AADAC: variants seen among roughly 807,000 people sequenced by gnomAD.
AADAC encodes the protein arylacetamide deacetylase.
In AADAC, 17 loss-of-function variants were observed where a neutral mutation model predicts 22.7. That is an observed-to-expected ratio of 0.75 (90% CI 0.51 to 1.12). The LOEUF (loss-of-function observed/expected upper bound fraction) is 1.12, where lower values mean the gene tolerates loss of function less well. AADAC is among the 50% of genes most tolerant of loss of function. The pLI is 0.00. For synonymous variants in AADAC, 167 were observed against 176.3 expected (o/e 0.95, Z 0.42); for missense variants, 465 against 473.9 (o/e 0.98, Z 0.17).
At position 151,816,458 on chromosome 3, in the gene AADAC, G is replaced by T. The variant is rs150637626; in HGVS notation, c.139-908G>T. Among the ~76,000 whole-genome samples the T allele has an allele frequency of 2.0e-5, 3 of 152,132 alleles. No individual in the cohort carries two copies. The East Asian group carries it at 5.8e-4, about 29-fold the overall frequency. The stretch of plus-strand genomic sequence containing the variant: ...GTACTTTGTACAGAGCTCTGTAATA[G>T]TATTTACATTGTTTTGTAACCATTT... On this transcript the variant is annotated intron_variant, in intron 1 of 4. Transcript: ENST00000232892.
chr3:151,824,628 CAAAA>C (rs746893272), intron 3 of AADAC, 31 bp from the exon 4 acceptor site: 1 of 1,126,912 alleles, frequency 8.9e-7, no homozygotes, highest in Non-Finnish European at 1.2e-6. Context: ...TCAAAACAAA[CAAAA>C]AAATGTGTAA....
At position 151,827,921 on chromosome 3, in the gene AADAC, G is replaced by T. The variant is rs1716571042; in HGVS notation, c.949G>T (p.Val317Leu). The T allele has an allele frequency of 6.2e-7, 1 of 1,611,724 alleles. No individual in the cohort carries two copies. Among genetic ancestry groups the T allele is most frequent in the Non-Finnish European group, 8.5e-7 (1 of 1,178,678 alleles). The change falls in exon 5 of 5, where the codon GTG becomes TTG. Residue 317 changes from valine to leucine, a missense_variant. Transcript: ENST00000232892. ...TAAAAAATATCCAGGGTTCCTAGAT[G>T]TGAGGGCAGCCCCTTTGTTGGCTGA... ...LAKKYPGFLD[V>L]RAAPLLADDN...
At chr3:151,823,546 A>C (rs1716342471) in intron 3 of AADAC, among the ~76,000 whole-genome samples, 1 of 151,980 alleles carries the variant, frequency 6.6e-6, no homozygotes, top group South Asian at 2.1e-4. Context: ...AGGAAAATAC[A>C]AATTAAGACT....
intron 2 of AADAC, among the ~76,000 whole-genome samples, chr3:151,819,536 T>C (rs1716143760): frequency 6.6e-6 from 1 of 152,000 alleles, no homozygotes; most frequent in Non-Finnish European, 1.5e-5. Context: ...AAATTATAGA[T>C]TGAAATGAGA....
chr3:151,826,395 T>A (rs1354516708), intron 4 of AADAC, among the ~76,000 whole-genome samples: 3 of 151,716 alleles, frequency 2.0e-5, no homozygotes, highest in Admixed American at 2.0e-4. Context: ...CTTTAAAGAG[T>A]TGTTTGAGAG....
At chr3:151,822,765 T>A (rs1242943121) in intron 3 of AADAC, among the ~76,000 whole-genome samples, 1 of 151,984 alleles carries the variant, frequency 6.6e-6, no homozygotes, top group East Asian at 1.9e-4. Flanking sequence ...TGACTACTAA[T>A]GGGTATAGGA....
chr3:151,824,843 A>G lies in AADAC; in HGVS notation c.603+9A>G. On this transcript the variant is annotated intron_variant, in intron 4 of 4. Coordinates refer to ENST00000232892, the MANE Select transcript of AADAC (RefSeq NM_001086.3). ...CAGCAGTGACTCAACAGGTATGTTC[A>G]TAATTTCTATGCTTTTTAAAAATAG... 6.5e-7 allele frequency: 1 copy of G among 1,541,812 alleles called. No homozygotes were observed. Among genetic ancestry groups the G allele is most frequent in the South Asian group, 1.3e-5 (1 of 78,142 alleles).
rs1345590083 is a variant in AADAC, at chr3:151,824,733, T to C, written c.502T>C (p.Leu168=). The part of the protein sequence containing the change: ...EDVYNALRWF[L]RKKVLAKYGV... ...TGTATATAATGCCTTAAGGTGGTTC[T>C]TACGTAAAAAAGTTCTTGCAAAATA... Residue 168 remains leucine (L), a synonymous_variant, in exon 4 of 5, where the codon TTA becomes CTA. Coordinates refer to ENST00000232892, the MANE Select transcript of AADAC (RefSeq NM_001086.3). 6.2e-7 allele frequency: 1 copy of C among 1,609,142 alleles called. No homozygotes were observed. Among genetic ancestry groups the C allele is most frequent in the East Asian group, 2.2e-5 (1 of 44,728 alleles).
At position 151,828,484 on chromosome 3, in the gene AADAC, T is replaced by C. The variant is rs62272919; in HGVS notation, c.*312T>C. The stretch of plus-strand genomic sequence containing the variant: ...GCAAGAGAATAAATGTGAGCAAATA[T>C]TGCCTGTCTGAGTAATGTCAAGATT... On this transcript the variant is annotated 3_prime_UTR_variant, in exon 5 of 5. Coordinates refer to ENST00000232892, the MANE Select transcript of AADAC (RefSeq NM_001086.3). The C allele has an allele frequency of 0.023, 3,754 of 163,990 alleles. 79 individuals carry two copies. Among genetic ancestry groups the C allele is most frequent in the Non-Finnish European group, 0.027 (2,067 of 76,180 alleles). 10.2% of individuals were successfully genotyped at this position (163,990 alleles called of 1,614,324 possible). A position where few individuals can be genotyped will look rare whatever the true frequency, so the allele number is the denominator to read the frequency against.
At position 151,827,446 on chromosome 3, in the gene AADAC, C is replaced by T. The variant is rs1004161753; in HGVS notation, c.604-130C>T. On this transcript the variant is annotated intron_variant, in intron 4 of 4. Coordinates refer to ENST00000232892, the MANE Select transcript of AADAC (RefSeq NM_001086.3). Reference sequence around the variant, plus strand: ...CTGTGGTGGTATGTTTCATTTATTACTTAAGTCTTTTTGAGATCATGAATA... The same window carrying T: ...CTGTGGTGGTATGTTTCATTTATTATTTAAGTCTTTTTGAGATCATGAATA... 5.4e-5 allele frequency: 26 copies of T among 482,616 alleles called. 1 individual carries two copies. Among genetic ancestry groups the T allele is most frequent in the Non-Finnish European group, 8.1e-5 (24 of 295,346 alleles). The allele number at this position is 482,616 out of a possible 1,614,324, so 29.9% of individuals were successfully genotyped here.
At chr3:151,825,223 A>G (rs968129962) in intron 4 of AADAC, among the ~76,000 whole-genome samples, 1 of 151,378 alleles carries the variant, frequency 6.6e-6, no homozygotes, top group Non-Finnish European at 1.5e-5. Context: ...AAAAAAAAAG[A>G]AAAAAGAAAA....
Position 151,824,671 on chromosome 3 carries a change from T to G in AADAC, c.440T>G (p.Leu147Ter). 6.4e-7 allele frequency: 1 copy of G among 1,571,720 alleles called. No homozygotes were observed. The highest frequency in any genetic ancestry group is 8.6e-7 in the Non-Finnish European group (1 of 1,161,498). Residue 147 changes from leucine to a stop codon, truncating the protein, a stop_gained, in exon 4 of 5, where the codon TTA becomes TGA. Transcript: ENST00000232892. LOFTEE classifies it high-confidence loss of function. Reference protein sequence around the residue: ...DAVVVSTNYRLAPKYHFPIQF... With the variant: ...DAVVVSTNYR ...ATGTTTTCTCTCTACAGCTACAGAT[T>G]AGCACCTAAGTATCATTTCCCAATT...
chr3:151,820,534 T>TG, intron 3 of AADAC, 82 bp downstream of exon 3: 10 of 1,008,572 alleles, frequency 9.9e-6, no homozygotes, highest in African/African-American at 1.7e-5. Flanking sequence ...TTTTTTTTTT[T>TG]TGTGATGGAG....
intron 1 of AADAC, among the ~76,000 whole-genome samples, chr3:151,815,609 A>C (rs1251352069): frequency 6.6e-6 from 1 of 151,770 alleles, no homozygotes; most frequent in East Asian, 1.9e-4. Flanking sequence ...TCTTTATATT[A>C]ATTTTTATTT....
chr3:151,819,734 A>G (rs1317872036), intron 2 of AADAC, among the ~76,000 whole-genome samples: 1 of 151,946 alleles, frequency 6.6e-6, no homozygotes, highest in African/African-American at 2.4e-5. Context: ...AAATAATTGG[A>G]TATAGATAGG....
intron 1 of AADAC, among the ~76,000 whole-genome samples, chr3:151,814,724 G>A (rs1214142690): frequency 6.6e-6 from 1 of 151,962 alleles, no homozygotes; most frequent in East Asian, 1.9e-4. Context: ...CTAAGGACAC[G>A]TAAATAAGTT....
intron 1 of AADAC, among the ~76,000 whole-genome samples, chr3:151,816,383 G>A (rs1252356818): frequency 6.6e-6 from 1 of 152,042 alleles, no homozygotes; most frequent in East Asian, 1.9e-4. Flanking sequence ...TGCTTTTCCA[G>A]TTTCTACTCC....
chr3:151,820,060 A>G (rs1716171340), intron 2 of AADAC, among the ~76,000 whole-genome samples: 1 of 152,020 alleles, frequency 6.6e-6, no homozygotes. Context: ...TCTAAAACAG[A>G]GCCAAATCAG....
At chr3:151,825,011 C>G (rs1716419790) in intron 4 of AADAC, among the ~76,000 whole-genome samples, 177 bp downstream of exon 4, 1 of 151,784 alleles carries the variant, frequency 6.6e-6, no homozygotes, top group Non-Finnish European at 1.5e-5. Flanking sequence ...TAATATCAAT[C>G]CCTGCTTCTG....
Sources: allele counts gnomAD v4.1 joint callset (sites outside exome capture counted in the v4.1 genomes callset), GRCh38; gene constraint gnomAD v4.1.1; transcripts MANE v1.5; gene names NCBI Gene and HGNC (gene_info 2026-07-23, HGNC 2026-07-21).